WWP2: variants seen among roughly 807,000 people sequenced by gnomAD.
The protein encoded by WWP2 is WW domain containing E3 ubiquitin protein ligase 2.
A neutral mutation model predicts 121.0 loss-of-function variants in WWP2; 57 were observed. The ratio of observed to expected loss-of-function variants is 0.47; its 90% CI spans 0.38 to 0.59. The LOEUF is 0.59. Ranked by LOEUF, WWP2 falls within the 20% of genes least tolerant of loss-of-function variation. The pLI, the probability that WWP2 is intolerant of heterozygous loss-of-function variation, is 0.00. For synonymous variants in WWP2, 449 were observed against 441.3 expected (o/e 1.02, Z -0.22); for missense variants, 962 against 1,158.9 (o/e 0.83, Z 2.47).
rs550676804 is a variant in WWP2, at chr16:69,929,376, G to A, written c.1235-72G>A. On this transcript the variant is annotated intron_variant, in intron 11 of 23. Coordinates refer to ENST00000359154, the MANE Select transcript of WWP2 (RefSeq NM_001270454.2). ...AACTCAGACCCAGCACCCAGGAGGTGGGAACCTCAGGGAAAGGACACCGGC... is the reference window on the plus strand; with the variant it reads ...AACTCAGACCCAGCACCCAGGAGGTAGGAACCTCAGGGAAAGGACACCGGC... 8.5e-6 allele frequency: 12 copies of A among 1,414,964 alleles called. 1 individual carries two copies. Among genetic ancestry groups the A allele is most frequent in the Middle Eastern group, 1.8e-4 (1 of 5,664 alleles). The allele number at this position is 1,414,964 out of a possible 1,614,324, so 87.7% of individuals were successfully genotyped here. A position where few individuals can be genotyped will look rare whatever the true frequency, so the allele number is the denominator to read the frequency against.
rs1400536782 is a variant in WWP2 at position 69,937,135 on chromosome 16, G to A, written c.2135G>A (p.Arg712His). Reference sequence around the variant, plus strand: ...GGTCTCAGGCTGCTGACTGACTGGCGTTTCACCCGAGGCGTGGAAGAGCAG... The same window carrying A: ...GGTCTCAGGCTGCTGACTGACTGGCATTTCACCCGAGGCGTGGAAGAGCAG... Reference protein sequence around the residue: ...EEYIMLLTDWRFTRGVEEQTK... With the variant: ...EEYIMLLTDWHFTRGVEEQTK... Residue 712 changes from arginine to histidine, a missense_variant, in exon 20 of 24, where the codon CGT (arginine) becomes CAT (histidine). By Grantham distance (29) the Arg-to-His change is conservative. Transcript: ENST00000359154. This position sits in a 1 kb window ranked among gnomAD's most constrained non-coding sequence, Gnocchi z 6.6. 3 of 1,613,830 alleles carry A rather than the reference G, an allele frequency of 1.9e-6. No individual in the cohort carries two copies. The highest frequency in any genetic ancestry group is 2.7e-5 in the African/African-American group (2 of 74,892).
chr16:69,937,108 T>G lies in WWP2; in HGVS notation c.2118-10T>G, dbSNP rs1427661294. Reference sequence around the variant, plus strand: ...CTCAGACTCCACCCATGGCTGCTCTTTGGTCTCAGGCTGCTGACTGACTGG... The same window carrying G: ...CTCAGACTCCACCCATGGCTGCTCTGTGGTCTCAGGCTGCTGACTGACTGG... On this transcript the variant is annotated splice_polypyrimidine_tract_variant and intron_variant, in intron 19 of 23. Coordinates refer to ENST00000359154, the MANE Select transcript of WWP2 (RefSeq NM_001270454.2). This position sits in a 1 kb window ranked among gnomAD's most constrained non-coding sequence, Gnocchi z 6.6. 1 of 1,613,638 alleles carries G rather than the reference T, an allele frequency of 6.2e-7. No homozygotes were observed. The highest frequency in any genetic ancestry group is 1.7e-5 in the Admixed American group (1 of 60,002).
chr16:69,930,094 GGCC>G (rs2058691063), intron 12 of WWP2, 33 bp from the exon 13 acceptor site: 3 of 1,613,222 alleles, frequency 1.9e-6, no homozygotes, highest in Non-Finnish European at 2.5e-6. Flanking sequence ...CAGAAGGTGG[GGCC>G]AGCCCTTCAC....
At chr16:69,898,239 G>A (rs2151949219) in intron 8 of WWP2, among the ~76,000 whole-genome samples, 1 of 151,978 alleles carries the variant, frequency 6.6e-6, no homozygotes, top group South Asian at 2.1e-4. Context: ...TGTTAGCCAG[G>A]GTGGTCTCAA....
chr16:69,799,018 T>G lies in WWP2; in HGVS notation c.219-156T>G. On this transcript the variant is annotated intron_variant, in intron 3 of 23. Coordinates refer to ENST00000359154, the MANE Select transcript of WWP2 (RefSeq NM_001270454.2). The surrounding 1 kb of genome is among the most constrained non-coding windows in gnomAD (Gnocchi z 4.5). ...AGAGCGTTCATTATTATCTAGAGGG[T>G]TACAGGGTCAGCTTTGAGAGGGGAA... 1 of 1,354,788 alleles carries G rather than the reference T, an allele frequency of 7.4e-7. No individual in the cohort carries two copies. The highest frequency in any genetic ancestry group is 1.0e-6 in the Non-Finnish European group (1 of 997,366). 83.9% of individuals were successfully genotyped at this position (1,354,788 alleles called of 1,614,324 possible).
chr16:69,770,009 A>G (rs899674485), intron 1 of WWP2, among the ~76,000 whole-genome samples: 1 of 151,910 alleles, frequency 6.6e-6, no homozygotes, highest in Non-Finnish European at 1.5e-5. Flanking sequence ...CTACAGGCAC[A>G]TGCCGTCATA....
intron 4 of WWP2, among the ~76,000 whole-genome samples, chr16:69,819,970 T>A (rs1304010501): frequency 1.3e-5 from 2 of 152,178 alleles, no homozygotes; most frequent in African/African-American, 2.4e-5. Flanking sequence ...CTGGGCACAG[T>A]GGCTCATGCC....
At chr16:69,849,820 T>C (rs16959272) in intron 6 of WWP2, among the ~76,000 whole-genome samples, 24,154 of 149,532 alleles carry the variant, frequency 0.16, 2,235 homozygotes, top group East Asian at 0.41. Context: ...AAAAAAAAAA[T>C]CATGGAGATT....
At chr16:69,848,749 C>T (rs993898802) in intron 6 of WWP2, among the ~76,000 whole-genome samples, 2 of 151,338 alleles carry the variant, frequency 1.3e-5, no homozygotes, top group Non-Finnish European at 2.9e-5. Flanking sequence ...TGCATGTGAA[C>T]GCACATGAGA....
chr16:69,843,053 T>C (rs904869871), intron 6 of WWP2, among the ~76,000 whole-genome samples: 3 of 152,160 alleles, frequency 2.0e-5, no homozygotes, highest in Non-Finnish European at 4.4e-5. Context: ...TGGGACTGGC[T>C]AAGTAGGTTA....
chr16:69,822,721 G>T (rs1052038293), intron 4 of WWP2, among the ~76,000 whole-genome samples: 1 of 152,204 alleles, frequency 6.6e-6, no homozygotes. Flanking sequence ...GCTGGTTGCT[G>T]TCAAGTCACA....
Position 69,780,914 on chromosome 16 carries a change from G to A in WWP2, c.-15-6082G>A, listed in dbSNP as rs146982594. Among the ~76,000 whole-genome samples, 355 of 152,252 alleles carry A rather than the reference G, an allele frequency of 2.3e-3. 4 individuals are homozygous for A. The highest frequency in any genetic ancestry group is 5.6e-3 in the South Asian group (27 of 4,826). The stretch of plus-strand genomic sequence containing the variant: ...GTGGTGGCAAATGCCTGTAGTCCCA[G>A]CTACTCAGGAATCTGAGGCGGAAGG... On this transcript the variant is annotated intron_variant, in intron 1 of 23. Coordinates refer to ENST00000359154, the MANE Select transcript of WWP2 (RefSeq NM_001270454.2).
At chr16:69,785,830 A>C (rs1332600108) in intron 1 of WWP2, among the ~76,000 whole-genome samples, 1 of 151,746 alleles carries the variant, frequency 6.6e-6, no homozygotes, top group African/African-American at 2.4e-5. Flanking sequence ...TTTCATCATT[A>C]TGGCCAGGCT....
intron 4 of WWP2, among the ~76,000 whole-genome samples, chr16:69,808,593 G>C (rs1375976134): frequency 2.0e-5 from 3 of 152,134 alleles, no homozygotes; most frequent in Non-Finnish European, 2.9e-5. Context: ...GCAGAGACAG[G>C]GTTTCGCCAT....
At position 69,822,147 on chromosome 16, in the gene WWP2, A is replaced by G. The variant is rs1002351673; in HGVS notation, c.341-17979A>G. ...CTCCCATAATGCTGGAGTTACAGGT[A>G]TGAGCCATCATGCCTGACCCCTGCT... On this transcript the variant is annotated intron_variant, in intron 4 of 23. Transcript: ENST00000359154. 1.1e-4 allele frequency among the ~76,000 whole-genome samples: 17 copies of G among 152,252 alleles called. 2 individuals are homozygous for G. Among genetic ancestry groups the G allele is most frequent in the East Asian group, 3.9e-4 (2 of 5,182 alleles).
chr16:69,861,556 C>T (rs367888949), intron 6 of WWP2, among the ~76,000 whole-genome samples: 1 of 151,890 alleles, frequency 6.6e-6, no homozygotes, highest in East Asian at 1.9e-4. Flanking sequence ...GGAATGGAGC[C>T]GTAAATTGCG....
At chr16:69,764,373 G>T (rs1449779558) in intron 1 of WWP2, among the ~76,000 whole-genome samples, 1 of 151,992 alleles carries the variant, frequency 6.6e-6, no homozygotes, top group Non-Finnish European at 1.5e-5. Context: ...GCTAATTTTT[G>T]TAGAGACAGG....
At chr16:69,921,324 G>A (rs1338599928) in intron 10 of WWP2, among the ~76,000 whole-genome samples, 1 of 152,206 alleles carries the variant, frequency 6.6e-6, no homozygotes, top group Non-Finnish European at 1.5e-5. Context: ...CCCAGAGTTT[G>A]ACTCGGAAGA....
chr16:69,910,852 G>A (rs1487869254), intron 9 of WWP2, among the ~76,000 whole-genome samples: 1 of 152,150 alleles, frequency 6.6e-6, no homozygotes, highest in African/African-American at 2.4e-5. Context: ...GTGTTGAGGT[G>A]GGACACTACT....
Sources: allele counts gnomAD v4.1 joint callset (sites outside exome capture counted in the v4.1 genomes callset), GRCh38; gene constraint gnomAD v4.1.1; non-coding constraint Gnocchi (gnomAD v3.1); transcripts MANE v1.5; gene names NCBI Gene and HGNC (gene_info 2026-07-23, HGNC 2026-07-21).